CELF5: variants seen among roughly 807,000 people sequenced by gnomAD.
CELF5 encodes the protein CUGBP Elav-like family member 5, also known as CUG-BP and ETR-3 like factor 5.
Under a neutral mutation model 54.9 loss-of-function variants are expected in CELF5, and 6 were observed. The ratio of observed to expected loss-of-function variants is 0.11; its 90% CI spans 0.06 to 0.22. The LOEUF (loss-of-function observed/expected upper bound fraction) is 0.22. CELF5 is among the 10% of genes least tolerant of loss of function. CELF5 has a pLI of 1.00. For missense variants in CELF5, 401 were observed against 678.6 expected, an observed-to-expected ratio of 0.59 and a Z score of 4.54; for synonymous variants, 271 against 290.9, an observed-to-expected ratio of 0.93 and a Z score of 0.70.
At chr19:3,240,070 G>A (rs180847882) in intron 1 of CELF5, among the ~76,000 whole-genome samples, 13 of 151,268 alleles carry the variant, frequency 8.6e-5, no homozygotes, top group South Asian at 2.1e-4. Context: ...GCGCAGTGGC[G>A]AGATCTCGGC....
chr19:3,265,192 G>T (rs981236199), intron 2 of CELF5, among the ~76,000 whole-genome samples: 1 of 152,132 alleles, frequency 6.6e-6, no homozygotes, highest in African/African-American at 2.4e-5. Flanking sequence ...AAGAAAACTA[G>T]CCAGGTGTGG....
chr19:3,288,672 A>C (rs1051478211), intron 10 of CELF5, among the ~76,000 whole-genome samples: 2 of 152,034 alleles, frequency 1.3e-5, no homozygotes, highest in African/African-American at 4.8e-5. Flanking sequence ...ACATAGTGAG[A>C]CCCCATCTCT....
chr19:3,251,672 T>C (rs58754135), intron 2 of CELF5, among the ~76,000 whole-genome samples: 1 of 121,300 alleles, frequency 8.2e-6, no homozygotes, highest in Admixed American at 8.5e-5. Flanking sequence ...TTTTTTTTTT[T>C]TTGTTGTTGT....
At chr19:3,293,116 C>T (rs1420429392) in intron 11 of CELF5, among the ~76,000 whole-genome samples, 2 of 152,054 alleles carry the variant, frequency 1.3e-5, no homozygotes, top group Non-Finnish European at 1.5e-5. Flanking sequence ...GTGAGTGCCC[C>T]ATCCTCAGAG....
Position 3,278,753 on chromosome 19 carries a change from C to T in CELF5, c.603+643C>T, listed in dbSNP as rs548103336. 9.2e-5 allele frequency among the ~76,000 whole-genome samples: 14 copies of T among 151,596 alleles called. No homozygotes were observed. Among genetic ancestry groups the T allele is most frequent in the South Asian group, 2.1e-4 (1 of 4,796 alleles). ...TCAGTATTGTGGGTGATTGTGTACACGTTTGTGAGTATATGCAGGTCTGTG... is the reference window on the plus strand; with the variant it reads ...TCAGTATTGTGGGTGATTGTGTACATGTTTGTGAGTATATGCAGGTCTGTG... On this transcript the variant is annotated intron_variant, in intron 5 of 12. Transcript: ENST00000292672. This position sits in a 1 kb window ranked among gnomAD's most constrained non-coding sequence, Gnocchi z 4.5.
rs965522528 is a variant in CELF5 at position 3,240,630 on chromosome 19, A to G, written c.260-10355A>G. 4.6e-5 allele frequency among the ~76,000 whole-genome samples: 7 copies of G among 151,732 alleles called. No homozygotes were observed. The East Asian group carries it at 1.4e-3, about 30-fold the overall frequency. ...GACGTGAGCCACTGCGCCCGGCCCT[A>G]CCACACACTTCTGAAAGCCTATGTT... is the stretch of plus-strand genomic sequence containing the variant. On this transcript the variant is annotated intron_variant, in intron 1 of 12. Transcript: ENST00000292672.
intron 1 of CELF5, among the ~76,000 whole-genome samples, chr19:3,238,231 G>T (rs1245144064): frequency 6.6e-6 from 1 of 152,106 alleles, no homozygotes. Flanking sequence ...GGCAAGAGTT[G>T]TAATCCCAGT....
intron 1 of CELF5, among the ~76,000 whole-genome samples, chr19:3,240,805 A>G (rs554874151): frequency 6.6e-6 from 1 of 151,922 alleles, no homozygotes; most frequent in East Asian, 2.0e-4. Flanking sequence ...TGTGGAGGGG[A>G]CAGGAGTGTC....
At position 3,224,835 on chromosome 19, in the gene CELF5, C is replaced by G. The variant is rs940514000; in HGVS notation, c.96C>G (p.Pro32=). The change falls in exon 1 of 13, where the codon CCC becomes CCG. Residue 32 remains proline, a synonymous_variant. Coordinates refer to ENST00000292672, the MANE Select transcript of CELF5 (RefSeq NM_021938.4). The part of the protein sequence containing the change: ...SPVGSSGPEP[P]GGQPDGMKDL... ...TGGGCAGCAGCGGGCCCGAGCCCCCCGGGGGGCAGCCCGACGGCATGAAGG... is the reference window on the plus strand; with the variant it reads ...TGGGCAGCAGCGGGCCCGAGCCCCCGGGGGGGCAGCCCGACGGCATGAAGG... 1.3e-6 allele frequency: 2 copies of G among 1,589,350 alleles called. No individual in the cohort carries two copies. Among genetic ancestry groups the G allele is most frequent in the Admixed American group, 1.8e-5 (1 of 56,298 alleles).
chr19:3,258,592 G>GATAT (rs368001629), intron 2 of CELF5, among the ~76,000 whole-genome samples: 1 of 151,586 alleles, frequency 6.6e-6, no homozygotes, highest in Non-Finnish European at 1.5e-5. Flanking sequence ...AGGATTTGGG[G>GATAT]ATATATATAT....
Position 3,285,999 on chromosome 19 carries a change from C to T in CELF5, c.1160C>T (p.Pro387Leu), listed in dbSNP as rs1182658404. The T allele has an allele frequency of 1.3e-6, 2 of 1,584,948 alleles. No individual in the cohort carries two copies. The highest frequency in any genetic ancestry group is 1.7e-6 in the Non-Finnish European group (2 of 1,172,994). ...GCGCACAGCGTCCCCCAGCCGCCGC[C>T]CCTCCTGCAGCAGCAGCAGCGAGAA... ...PIAHSVPQPP[P>L]LLQQQQREGP... The change falls in exon 10 of 13, where the codon CCC (proline) becomes CTC (leucine). Residue 387 changes from proline to leucine, a missense_variant. Coordinates refer to ENST00000292672, the MANE Select transcript of CELF5 (RefSeq NM_021938.4).
intron 1 of CELF5, among the ~76,000 whole-genome samples, chr19:3,238,729 C>T (rs1410614485): frequency 6.6e-6 from 1 of 152,018 alleles, no homozygotes; most frequent in Admixed American, 6.6e-5. Context: ...GTCAGGAGTT[C>T]GAGACCAACC....
In CELF5 at chr19:3,284,946, G is replaced by A. The variant is rs745637933; in HGVS notation, c.1084G>A (p.Gly362Arg). The change falls in exon 9 of 13, where the codon GGA (glycine) becomes AGA (arginine). Residue 362 changes from glycine to arginine, a missense_variant. Transcript: ENST00000292672. ...VAETLHPAFS[G>R]VQQYTAMYPT... is the part of the protein sequence containing the mutation. The stretch of plus-strand genomic sequence containing the variant: ...CGAGACACTGCATCCTGCCTTCTCC[G>A]GAGTCCAGCAGTACACAGGTAGGAG... 1 of 1,612,256 alleles carries A rather than the reference G, an allele frequency of 6.2e-7. No homozygotes were observed. Among genetic ancestry groups the A allele is most frequent in the South Asian group, 1.1e-5 (1 of 90,848 alleles).
rs1234456103 is a variant in CELF5 at position 3,266,349 on chromosome 19, C to T, written c.343-7523C>T. ...CGTATCTCAGCCCCGCCTCCTGAGT[C>T]GAGTCTCACCTCCTACCTCACTATG... On this transcript the variant is annotated intron_variant, in intron 2 of 12. Transcript: ENST00000292672. Among the ~76,000 whole-genome samples the T allele has an allele frequency of 5.9e-5, 9 of 151,512 alleles. No individual in the cohort carries two copies. The East Asian group carries it at 7.8e-4, about 13-fold the overall frequency.
chr19:3,264,557 A>G (rs917062548), intron 2 of CELF5, among the ~76,000 whole-genome samples: 1 of 151,596 alleles, frequency 6.6e-6, no homozygotes, highest in Non-Finnish European at 1.5e-5. Flanking sequence ...CTGGGACTAC[A>G]GGCACCCGCC....
intron 12 of CELF5, chr19:3,296,434 G>GAAAAAAAAAAAAAAAAAA (rs5826810): frequency 6.0e-4 from 33 of 54,866 alleles, no homozygotes; most frequent in African/African-American, 9.2e-4. Context: ...AAACCACACA[G>GAAAAAAAAAAAAAAAAAA]AAAAAAAAAA....
intron 2 of CELF5, among the ~76,000 whole-genome samples, chr19:3,264,535 C>T (rs1469586832): frequency 2.0e-5 from 3 of 151,734 alleles, no homozygotes; most frequent in South Asian, 2.1e-4. Context: ...CCTGCCTCAG[C>T]CTCCCGAGTA....
rs999746574 is a variant in CELF5, at chr19:3,271,347, C to G, written c.343-2525C>G. 7.2e-5 allele frequency among the ~76,000 whole-genome samples: 11 copies of G among 152,104 alleles called. No homozygotes were observed. The East Asian group carries it at 2.1e-3, about 29-fold the overall frequency. On this transcript the variant is annotated intron_variant, in intron 2 of 12. Transcript: ENST00000292672. The stretch of plus-strand genomic sequence containing the variant: ...GCCTCCAGCCTAGCAGGGTGTGGTA[C>G]CCAGGTGGAAAGGGCCCCGGTGTGT...
intron 2 of CELF5, among the ~76,000 whole-genome samples, chr19:3,252,298 G>C (rs2079662365): frequency 6.6e-6 from 1 of 152,184 alleles, no homozygotes. Context: ...GCCTCCCAAA[G>C]TGCTGGGATT....
Sources: gnomAD v4.1 joint callset for allele counts (sites outside exome capture counted in the v4.1 genomes callset) on GRCh38, gnomAD v4.1.1 for gene constraint, Gnocchi (gnomAD v3.1) non-coding constraint, MANE v1.5 for transcripts, NCBI Gene and HGNC (gene_info 2026-07-23, HGNC 2026-07-21) for gene names.